Variants in LAMA2 observed in about 807,000 individuals in gnomAD.
LAMA2 encodes laminin subunit alpha 2.
A neutral mutation model predicts 364.8 loss-of-function variants in LAMA2; 269 were observed. The observed-to-expected ratio is 0.74, with a 90% confidence interval of 0.67 to 0.82. The LOEUF (loss-of-function observed/expected upper bound fraction) is 0.82. LAMA2 is among the 40% of genes least tolerant of loss of function. The probability of loss-of-function intolerance (pLI) is 0.00; values close to 1 mark genes in which losing one functional copy is unlikely to be tolerated. For synonymous variants in LAMA2, 1,379 were observed against 1,370.6 expected, an observed-to-expected ratio of 1.01 and a Z score of -0.14; for missense variants, 3,807 against 3,873.2, an observed-to-expected ratio of 0.98 and a Z score of 0.45.
At chr6:129,443,160 G>A in intron 44 of LAMA2, 92 bp downstream of exon 44, 1 of 937,008 alleles carries the variant, frequency 1.1e-6, no homozygotes, top group Non-Finnish European at 1.7e-6. Flanking sequence ...CTATATTTTG[G>A]TTTTGCTTTA....
chr6:129,177,963 A>G (rs1780709379), intron 10 of LAMA2, 97 bp downstream of exon 10: 2 of 1,231,608 alleles, frequency 1.6e-6, no homozygotes, highest in South Asian at 2.5e-5. Context: ...AATTTTAATG[A>G]CTTCTGGAAG....
At chr6:129,221,637 C>G (rs1206488858) in intron 12 of LAMA2, among the ~76,000 whole-genome samples, 1 of 151,880 alleles carries the variant, frequency 6.6e-6, no homozygotes, top group African/African-American at 2.4e-5. Flanking sequence ...TTGAATCAAC[C>G]AGATTTCTTA....
At chr6:129,054,332 A>G (rs993625364) in intron 2 of LAMA2, among the ~76,000 whole-genome samples, 3 of 152,216 alleles carry the variant, frequency 2.0e-5, no homozygotes, top group Non-Finnish European at 4.4e-5. Context: ...GAAGATGGCA[A>G]GAAAATTGAA....
chr6:129,079,226 C>T (rs147538595), intron 3 of LAMA2, among the ~76,000 whole-genome samples: 303 of 152,200 alleles, frequency 2.0e-3, no homozygotes, highest in African/African-American at 7.0e-3. Flanking sequence ...GAGGGAGAAG[C>T]TACATTCACA....
chr6:129,088,163 T>C (rs1283039036), intron 3 of LAMA2, among the ~76,000 whole-genome samples: 2 of 141,972 alleles, frequency 1.4e-5, no homozygotes, highest in African/African-American at 5.2e-5. Context: ...CTTAATCCAT[T>C]CAACCCTGAG....
chr6:129,378,459 G>A (rs1382158786), intron 34 of LAMA2, among the ~76,000 whole-genome samples: 1 of 152,160 alleles, frequency 6.6e-6, no homozygotes, highest in Non-Finnish European at 1.5e-5. Flanking sequence ...TCTCTCGTGG[G>A]TATTTTTGAC....
intron 1 of LAMA2, among the ~76,000 whole-genome samples, chr6:128,915,694 A>G (rs1386216971): frequency 2.6e-5 from 4 of 152,172 alleles, no homozygotes; most frequent in Non-Finnish European, 4.4e-5. Flanking sequence ...AAACAGTGTG[A>G]AATACATTGT....
chr6:129,288,115 G>C lies in LAMA2; in HGVS notation c.2749+57G>C, dbSNP rs1221315362. ...AATTGATGTATTGTACCTCAAAGTA[G>C]CTGATGAGTTCTTGAGTGTGGATTG... On this transcript the variant is annotated intron_variant, in intron 19 of 64. Transcript: ENST00000421865. The C allele has an allele frequency of 1.3e-5, 19 of 1,429,186 alleles. No individual in the cohort carries two copies. The Admixed American group carries it at 3.2e-4, about 24-fold the overall frequency. 88.5% of individuals were successfully genotyped at this position (1,429,186 alleles called of 1,614,324 possible).
chr6:129,196,751 ATC>A (rs1781874751), intron 12 of LAMA2, among the ~76,000 whole-genome samples: 1 of 152,208 alleles, frequency 6.6e-6, no homozygotes, highest in Admixed American at 6.5e-5. Context: ...AATAGGATAA[ATC>A]AACTGTGGTT....
intron 32 of LAMA2, among the ~76,000 whole-genome samples, chr6:129,358,112 C>T (rs1049288280): frequency 2.0e-5 from 3 of 151,998 alleles, no homozygotes; most frequent in South Asian, 2.1e-4. Context: ...GTTAGGCAAT[C>T]TATAAAACAT....
intron 15 of LAMA2, among the ~76,000 whole-genome samples, chr6:129,265,808 T>C (rs1371633156): frequency 6.6e-6 from 1 of 152,100 alleles, no homozygotes; most frequent in Non-Finnish European, 1.5e-5. Flanking sequence ...GGCACGTGTA[T>C]ACCTATGTAA....
At chr6:129,173,771 A>T (rs745935460) in intron 9 of LAMA2, among the ~76,000 whole-genome samples, 6 of 152,050 alleles carry the variant, frequency 3.9e-5, no homozygotes, top group Non-Finnish European at 7.4e-5. Flanking sequence ...GCACTTCTTC[A>T]TCAGATTACA....
chr6:129,267,355 C>T, intron 16 of LAMA2, 136 bp downstream of exon 16: 1 of 733,824 alleles, frequency 1.4e-6, no homozygotes, highest in Non-Finnish European at 2.5e-6. Context: ...TTGTATTGAA[C>T]TGAATTGGAA....
chr6:129,212,174 T>G (rs893740439), intron 12 of LAMA2, among the ~76,000 whole-genome samples: 3 of 152,224 alleles, frequency 2.0e-5, no homozygotes, highest in African/African-American at 7.2e-5. Flanking sequence ...GTATGCCAAA[T>G]TCTTTTCCAG....
At chr6:129,131,707 A>G (rs1419374724) in intron 4 of LAMA2, among the ~76,000 whole-genome samples, 5 of 152,376 alleles carry the variant, frequency 3.3e-5, no homozygotes, top group African/African-American at 1.2e-4. Context: ...TCTGTACAGA[A>G]TAATGGTAGG....
intron 30 of LAMA2, among the ~76,000 whole-genome samples, chr6:129,342,965 T>A (rs2494582): frequency 0.92 from 139,335 of 152,130 alleles, 63,831 homozygotes; most frequent in East Asian, 0.97. Flanking sequence ...CTCCAAAAAA[T>A]GTCATCTCCC....
intron 1 of LAMA2, among the ~76,000 whole-genome samples, chr6:129,027,295 A>G (rs1250961934): frequency 6.6e-6 from 1 of 152,084 alleles, no homozygotes; most frequent in Admixed American, 6.5e-5. Context: ...ATGAATGCGT[A>G]TGTTAGAATC....
chr6:129,508,822 C>T (rs2571572), intron 62 of LAMA2, among the ~76,000 whole-genome samples: 92,528 of 152,012 alleles, frequency 0.61, 29,111 homozygotes, highest in Non-Finnish European at 0.69. Context: ...CTGCAATAAA[C>T]GTGGGAGTGC....
Position 129,402,339 on chromosome 6 carries a change from C to A in LAMA2, c.5578C>A (p.Gln1860Lys). The A allele has an allele frequency of 6.2e-7, 1 of 1,613,558 alleles. No homozygotes were observed. Among genetic ancestry groups the A allele is most frequent in the Non-Finnish European group, 8.5e-7 (1 of 1,179,666 alleles). The change falls in exon 39 of 65, where the codon CAA becomes AAA. Residue 1860 changes from glutamine to lysine, a missense_variant. By Grantham distance (53) the Gln-to-Lys change is moderately conservative (BLOSUM62 1). Around this residue, in one of 3 missense-constraint regions of LAMA2, gnomAD observed 3,333 missense variants for 3,345.7 expected, o/e 1.00. Transcript: ENST00000421865. ...TACATATCAGTATGTTGAAGACATC[C>A]AAACTAAATTGCCACCTATGTCTGA... The part of the protein sequence containing the change: ...NSIIDYVEDI[Q>K]TKLPPMSEEL...
Sources: allele counts gnomAD v4.1 joint callset (sites outside exome capture counted in the v4.1 genomes callset), GRCh38; gene constraint gnomAD v4.1.1; regional missense constraint gnomAD v4.1.1; transcripts MANE v1.5; gene names NCBI Gene and HGNC (gene_info 2026-07-23, HGNC 2026-07-21).